Variants in NBEA observed in about 807,000 individuals in gnomAD.
NBEA encodes lysosomal-trafficking regulator 2.
NBEA carries 44 observed loss-of-function variants against 343.4 expected under a neutral mutation model. That is an observed-to-expected ratio of 0.13 (90% CI 0.10 to 0.16). NBEA has a LOEUF of 0.16. Ranked by LOEUF, NBEA falls within the 10% of genes least tolerant of loss-of-function variation. The pLI, the probability that NBEA is intolerant of heterozygous loss-of-function variation, is 1.00. For missense variants in NBEA, 2,555 were observed against 3,631.3 expected (o/e 0.70, Z 7.62); for synonymous variants, 1,175 against 1,238.7 (o/e 0.95, Z 1.08).
At chr13:35,274,600 T>C (rs1056295918) in intron 34 of NBEA, among the ~76,000 whole-genome samples, 9 of 152,296 alleles carry the variant, frequency 5.9e-5, no homozygotes, top group African/African-American at 2.2e-4. Context: ...GACATAATTG[T>C]ATACTTAGAA....
At chr13:35,277,895 T>C (rs1241718112) in intron 34 of NBEA, among the ~76,000 whole-genome samples, 1 of 148,674 alleles carries the variant, frequency 6.7e-6, no homozygotes, top group Non-Finnish European at 1.5e-5. Flanking sequence ...GAGACCAGCC[T>C]GGCCAACATG....
At chr13:35,637,864 G>T (rs1274142556) in intron 49 of NBEA, among the ~76,000 whole-genome samples, 1 of 151,886 alleles carries the variant, frequency 6.6e-6, no homozygotes, top group Admixed American at 6.6e-5. Flanking sequence ...CCAAGTGTCC[G>T]TGGATAGATG....
At chr13:35,021,235 C>T (rs2061827748) in intron 1 of NBEA, among the ~76,000 whole-genome samples, 1 of 152,134 alleles carries the variant, frequency 6.6e-6, no homozygotes, top group African/African-American at 2.4e-5. Flanking sequence ...TGTCTTTACA[C>T]ATTCCCTGTG....
intron 1 of NBEA, among the ~76,000 whole-genome samples, chr13:35,022,547 T>A (rs576108379): frequency 2.0e-5 from 3 of 152,276 alleles, no homozygotes; most frequent in Admixed American, 6.5e-5. Context: ...GTGTAAATTA[T>A]AAGTATTTTT....
intron 1 of NBEA, among the ~76,000 whole-genome samples, chr13:35,029,238 T>C (rs1035509104): frequency 6.6e-6 from 1 of 151,604 alleles, no homozygotes; most frequent in South Asian, 2.1e-4. Flanking sequence ...ACATTTAGTC[T>C]ATAACACCAT....
At chr13:35,265,468 T>A (rs1294421232) in intron 34 of NBEA, among the ~76,000 whole-genome samples, 3 of 151,850 alleles carry the variant, frequency 2.0e-5, no homozygotes, top group African/African-American at 7.2e-5. Flanking sequence ...CAAAACATAC[T>A]ACAAAGCTAT....
intron 18 of NBEA, among the ~76,000 whole-genome samples, chr13:35,149,803 A>C (rs75328231): frequency 0.04 from 6,050 of 152,240 alleles, 391 homozygotes; most frequent in African/African-American, 0.14. Flanking sequence ...TAATAACATA[A>C]TATGTTGAAT....
intron 41 of NBEA, among the ~76,000 whole-genome samples, chr13:35,522,396 A>AGG (rs1442913676): frequency 2.9e-5 from 4 of 136,848 alleles, no homozygotes; most frequent in Non-Finnish European, 4.6e-5. Flanking sequence ...TGAACCCGGG[A>AGG]GGCAGAGGTT....
chr13:35,445,798 A>ATATATATATATATATATG (rs2045988354), intron 39 of NBEA, among the ~76,000 whole-genome samples: 1 of 83,958 alleles, frequency 1.2e-5, no homozygotes, highest in African/African-American at 5.4e-5. Flanking sequence ...ATATATATAT[A>ATATATATATATATATATG]TATATATATA....
chr13:35,527,534 CA>C (rs2078038312), intron 41 of NBEA, among the ~76,000 whole-genome samples: 1 of 152,210 alleles, frequency 6.6e-6, no homozygotes, highest in Non-Finnish European at 1.5e-5. Flanking sequence ...CCTGGGTGCC[CA>C]AAGTCCAGAC....
intron 45 of NBEA, among the ~76,000 whole-genome samples, chr13:35,576,270 C>A (rs897277078): frequency 6.6e-6 from 1 of 151,548 alleles, no homozygotes; most frequent in African/African-American, 2.4e-5. Context: ...GTGCCCACCT[C>A]CATGCTTGGA....
At chr13:35,187,008 A>G (rs2071767207) in intron 30 of NBEA, among the ~76,000 whole-genome samples, 2 of 152,156 alleles carry the variant, frequency 1.3e-5, no homozygotes. Context: ...TTAAAAGTTT[A>G]AACTTTAACT....
chr13:35,286,378 A>C (rs1365078661), intron 34 of NBEA, among the ~76,000 whole-genome samples: 1 of 152,142 alleles, frequency 6.6e-6, no homozygotes, highest in Non-Finnish European at 1.5e-5. Context: ...GCAATCATAG[A>C]TGTCTGTCAG....
rs1486758840 is a variant in NBEA at position 34,997,986 on chromosome 13, A to C, written c.295-42947A>C. Among the ~76,000 whole-genome samples the C allele has an allele frequency of 2.6e-5, 4 of 152,274 alleles. No homozygotes were observed. The East Asian group carries it at 7.7e-4, about 29-fold the overall frequency. On this transcript the variant is annotated intron_variant, in intron 1 of 58. Coordinates refer to ENST00000379939, the MANE Select transcript of NBEA (RefSeq NM_001385012.1). ...GTATTTTTTTTATGTAAACTTGTTA[A>C]AGGCATGTAACTAACTATTGGGCAA...
intron 34 of NBEA, among the ~76,000 whole-genome samples, chr13:35,278,180 G>A (rs1242326823): frequency 6.7e-6 from 1 of 149,480 alleles, no homozygotes; most frequent in Non-Finnish European, 1.5e-5. Flanking sequence ...AGAAACAGTA[G>A]TGTACAACAA....
At chr13:35,399,227 A>G (rs558251330) in intron 38 of NBEA, among the ~76,000 whole-genome samples, 84 of 152,282 alleles carry the variant, frequency 5.5e-4, no homozygotes, top group African/African-American at 1.7e-3. Flanking sequence ...AGGCCACTCA[A>G]ACTTTTTCCA....
At chr13:35,028,023 C>G (rs1295451068) in intron 1 of NBEA, among the ~76,000 whole-genome samples, 4 of 151,834 alleles carry the variant, frequency 2.6e-5, no homozygotes, top group Admixed American at 1.3e-4. Flanking sequence ...CTCGCTTATG[C>G]TTCATGATCT....
intron 8 of NBEA, among the ~76,000 whole-genome samples, chr13:35,063,131 G>C (rs574273210): frequency 6.6e-6 from 1 of 151,882 alleles, no homozygotes; most frequent in South Asian, 2.1e-4. Flanking sequence ...AAATAAATCA[G>C]TGCTAGCTAC....
intron 38 of NBEA, among the ~76,000 whole-genome samples, chr13:35,387,378 AT>A (rs201528947): frequency 9.9e-5 from 15 of 151,712 alleles, no homozygotes; most frequent in East Asian, 3.9e-4. Context: ...TTGCGAATTG[AT>A]TTTTTTTCCC....
Sources: gnomAD v4.1 joint callset for allele counts (sites outside exome capture counted in the v4.1 genomes callset) on GRCh38, gnomAD v4.1.1 for gene constraint, MANE v1.5 for transcripts, NCBI Gene and HGNC (gene_info 2026-07-23, HGNC 2026-07-21) for gene names.